The following PLB1 variants were observed in gnomAD, a reference collection of about 807,000 sequenced individuals.
PLB1 encodes the protein phospholipase B1, membrane-associated.
PLB1 carries 242 observed loss-of-function variants against 227.4 expected under a neutral mutation model. The observed-to-expected ratio is 1.06, with a 90% CI of 0.96 to 1.18. PLB1 has a LOEUF of 1.18. PLB1 is among the 50% of genes most tolerant of loss of function. The pLI, the probability that PLB1 is intolerant of heterozygous loss-of-function variation, is 0.00. For synonymous variants in PLB1, 757 were observed against 682.2 expected, an observed-to-expected ratio of 1.11 and a Z score of -1.71; for missense variants, 1,858 against 1,816.3, an observed-to-expected ratio of 1.02 and a Z score of -0.42.
rs530744571 is a variant in PLB1 at position 28,578,487 on chromosome 2, G to A, written c.1485+329G>A. Among the ~76,000 whole-genome samples, 62 of 152,104 alleles carry A rather than the reference G, an allele frequency of 4.1e-4. 1 individual carries two copies. Among genetic ancestry groups the A allele is most frequent in the Non-Finnish European group, 7.5e-4 (51 of 68,018 alleles). On this transcript the variant is annotated intron_variant, in intron 22 of 57. Transcript: ENST00000327757. ...CCACGTGCTCCACCGAAAGGGCTCT[G>A]TATAAGACACGGTGGGGTGCAGAAG...
At chr2:28,579,577 G>A (rs1384785911) in intron 22 of PLB1, 50 bp from the exon 23 acceptor site, 2 of 1,474,158 alleles carry the variant, frequency 1.4e-6, no homozygotes, top group East Asian at 2.3e-5. Flanking sequence ...TGTTTTCCTT[G>A]ACTTGACTCT....
intron 1 of PLB1, among the ~76,000 whole-genome samples, chr2:28,509,472 G>C (rs771143484): frequency 1.3e-5 from 2 of 152,202 alleles, no homozygotes; most frequent in African/African-American, 2.4e-5. Flanking sequence ...TGCTTTAGAA[G>C]GTAAACCCCT....
At chr2:28,564,486 C>T (rs1676551507) in intron 18 of PLB1, among the ~76,000 whole-genome samples, 1 of 152,220 alleles carries the variant, frequency 6.6e-6, no homozygotes, top group African/African-American at 2.4e-5. Flanking sequence ...CTGCTTATCC[C>T]AACCTCTTCC....
chr2:28,529,502 G>C (rs1670721668), intron 7 of PLB1, 95 bp downstream of exon 7: 3 of 1,141,204 alleles, frequency 2.6e-6, no homozygotes, highest in Non-Finnish European at 3.9e-6. Flanking sequence ...AAGTCAAAGA[G>C]GCTTAAAAAT....
chr2:28,616,295 T>G (rs1686193443), intron 44 of PLB1, among the ~76,000 whole-genome samples: 1 of 152,242 alleles, frequency 6.6e-6, no homozygotes, highest in Admixed American at 6.5e-5. Flanking sequence ...CCTGATTTGA[T>G]CACTGCACAT....
At chr2:28,551,112 T>G (rs1400107708) in intron 16 of PLB1, among the ~76,000 whole-genome samples, 3 of 152,230 alleles carry the variant, frequency 2.0e-5, no homozygotes, top group Non-Finnish European at 4.4e-5. Flanking sequence ...TTCTGACCCT[T>G]CCCAAATCTC....
intron 50 of PLB1, among the ~76,000 whole-genome samples, chr2:28,625,556 C>T (rs1396538695): frequency 1.3e-5 from 2 of 152,092 alleles, no homozygotes; most frequent in South Asian, 2.1e-4. Flanking sequence ...ATTCAGCTCC[C>T]GGTGGGATTC....
At chr2:28,633,691 C>T (rs1294853566) in intron 56 of PLB1, among the ~76,000 whole-genome samples, 1 of 152,242 alleles carries the variant, frequency 6.6e-6, no homozygotes, top group Admixed American at 6.5e-5. Context: ...CCTGGTGCTT[C>T]CACTCTGCCT....
At chr2:28,595,971 A>G (rs997718537) in intron 33 of PLB1, 3 of 152,192 alleles carry the variant, frequency 2.0e-5, no homozygotes, top group Admixed American at 2.0e-4. Context: ...CTGGGCCCCA[A>G]GGTCTTGAGA....
intron 24 of PLB1, 44 bp downstream of exon 24, chr2:28,582,177 C>G: frequency 6.3e-7 from 1 of 1,588,284 alleles, no homozygotes; most frequent in African/African-American, 1.3e-5. Context: ...GACCTCAGAC[C>G]TAGCCTAGAG....
intron 9 of PLB1, among the ~76,000 whole-genome samples, chr2:28,533,279 G>A (rs1023862641): frequency 2.0e-5 from 3 of 152,140 alleles, no homozygotes; most frequent in Non-Finnish European, 4.4e-5. Context: ...AGCTCTCATT[G>A]GCCAATATTC....
chr2:28,539,588 T>A (rs1672178758), intron 11 of PLB1, among the ~76,000 whole-genome samples: 1 of 152,170 alleles, frequency 6.6e-6, no homozygotes, highest in South Asian at 2.1e-4. Context: ...TCTGAAAATG[T>A]TCATAGACTT....
At chr2:28,529,834 G>A (rs1670783936) in intron 8 of PLB1, 55 bp downstream of exon 8, 16 of 1,547,864 alleles carry the variant, frequency 1.0e-5, no homozygotes, top group South Asian at 7.8e-5. Context: ...GCTGCAAGGC[G>A]GGCAGACCGA....
intron 3 of PLB1, among the ~76,000 whole-genome samples, chr2:28,519,225 A>T (rs918564485): frequency 6.6e-6 from 1 of 152,188 alleles, no homozygotes; most frequent in African/African-American, 2.4e-5. Context: ...TGGCATTTGC[A>T]TACAGCTTGC....
chr2:28,554,489 C>CTT lies in PLB1; in HGVS notation c.1147+1526_1147+1527dup, dbSNP rs536476788. Among the ~76,000 whole-genome samples, 78 of 85,458 alleles carry CTT rather than the reference C, an allele frequency of 9.1e-4. 7 individuals carry two copies. Among genetic ancestry groups the CTT allele is most frequent in the African/African-American group, 2.8e-3 (52 of 18,750 alleles). 56.1% of individuals were successfully genotyped at this position (85,458 alleles called of 152,430 possible). On this transcript the variant is annotated intron_variant, in intron 17 of 57. Coordinates refer to ENST00000327757, the MANE Select transcript of PLB1 (RefSeq NM_153021.5). ...CTACAGGCATTATCACCACACCTGC[C>CTT]TTTTTTTTTTTTTTTTTTTTTTTTT...
rs181608420 is a variant in PLB1, at chr2:28,610,197, C to T, written c.3129+3630C>T. On this transcript the variant is annotated intron_variant, in intron 43 of 57. Transcript: ENST00000327757. Reference sequence around the variant, plus strand: ...TGCCATGGTGGTTTGCTGTACCTATCAACCGGTCATCTAGATTTTAAGCTG... The same window carrying T: ...TGCCATGGTGGTTTGCTGTACCTATTAACCGGTCATCTAGATTTTAAGCTG... 2.5e-4 allele frequency among the ~76,000 whole-genome samples: 38 copies of T among 152,272 alleles called. No individual in the cohort carries two copies. The East Asian group carries it at 6.9e-3, about 28-fold the overall frequency.
chr2:28,565,792 G>A (rs1247245128), intron 19 of PLB1, among the ~76,000 whole-genome samples: 1 of 152,172 alleles, frequency 6.6e-6, no homozygotes, highest in Non-Finnish European at 1.5e-5. Flanking sequence ...CAGAAATAAT[G>A]CTACTACCTG....
intron 49 of PLB1, among the ~76,000 whole-genome samples, chr2:28,621,781 C>T (rs972672646): frequency 4.6e-5 from 7 of 152,118 alleles, no homozygotes; most frequent in Admixed American, 3.3e-4. Context: ...CTCAACGTCA[C>T]GAGCAGGAAG....
intron 4 of PLB1, 39 bp downstream of exon 4, chr2:28,519,802 T>G: frequency 6.5e-7 from 1 of 1,534,192 alleles, no homozygotes; most frequent in South Asian, 1.1e-5. Flanking sequence ...AGACAGAGTT[T>G]GGTACTGATG....
Sources: allele counts gnomAD v4.1 joint callset (sites outside exome capture counted in the v4.1 genomes callset), GRCh38; gene constraint gnomAD v4.1.1; transcripts MANE v1.5; gene names NCBI Gene and HGNC (gene_info 2026-07-23, HGNC 2026-07-21).